The following CTNNA3 variants were observed in gnomAD, a reference collection of about 807,000 sequenced individuals.
CTNNA3 encodes the protein catenin alpha-3.
Under a neutral mutation model 95.7 loss-of-function variants are expected in CTNNA3, and 76 were observed. The ratio of observed to expected loss-of-function variants is 0.79; its 90% CI spans 0.66 to 0.96. The LOEUF (loss-of-function observed/expected upper bound fraction) is 0.96, where lower values mean the gene tolerates loss of function less well. CTNNA3 is among the 40% of genes least tolerant of loss of function. The pLI is 0.00. For missense variants in CTNNA3, 1,191 were observed against 1,089.8 expected, an observed-to-expected ratio of 1.09 and a Z score of -1.31; for synonymous variants, 431 against 374.4, an observed-to-expected ratio of 1.15 and a Z score of -1.74.
intron 13 of CTNNA3, among the ~76,000 whole-genome samples, chr10:66,276,954 T>C (rs2091411071): frequency 6.6e-6 from 1 of 152,102 alleles, no homozygotes; most frequent in African/African-American, 2.4e-5. Flanking sequence ...GCTTTAGTTT[T>C]AACCATTATA....
chr10:66,741,284 C>A (rs1027151452), intron 9 of CTNNA3, among the ~76,000 whole-genome samples: 1 of 152,076 alleles, frequency 6.6e-6, no homozygotes, highest in Admixed American at 6.5e-5. Flanking sequence ...ATGATACAAG[C>A]AAATTCCCAA....
chr10:65,926,043 TAATA>T (rs1397719395), intron 17 of CTNNA3, among the ~76,000 whole-genome samples: 1 of 149,698 alleles, frequency 6.7e-6, no homozygotes, highest in Non-Finnish European at 1.5e-5. Flanking sequence ...ATGTATTATA[TAATA>T]TATAATAGAT....
At chr10:66,624,577 TG>T (rs569689106) in intron 9 of CTNNA3, among the ~76,000 whole-genome samples, 113 of 152,176 alleles carry the variant, frequency 7.4e-4, no homozygotes, top group African/African-American at 2.6e-3. Flanking sequence ...AGTAGTAGGC[TG>T]GGGTTGTGGG....
At chr10:67,493,346 G>A (rs1838918204) in intron 5 of CTNNA3, among the ~76,000 whole-genome samples, 1 of 152,226 alleles carries the variant, frequency 6.6e-6, no homozygotes, top group South Asian at 2.1e-4. Context: ...TGGATCATGA[G>A]GTCAGGGAAT....
chr10:67,053,865 T>C lies in CTNNA3; in HGVS notation c.1047+126452A>G, dbSNP rs190939147. ...CACAGATGTAAATGAGCATGACTTG[T>C]ATATCTATGACTTGTGCTAGAAAGG... On this transcript the variant is annotated intron_variant, in intron 7 of 17. Coordinates refer to ENST00000433211, the MANE Select transcript of CTNNA3 (RefSeq NM_013266.4). Among the ~76,000 whole-genome samples the C allele has an allele frequency of 1.2e-3, 176 of 152,298 alleles. 1 individual carries two copies. Among genetic ancestry groups the C allele is most frequent in the African/African-American group, 4.0e-3 (168 of 41,570 alleles).
intron 13 of CTNNA3, among the ~76,000 whole-genome samples, chr10:66,110,368 A>C (rs942716866): frequency 6.6e-6 from 1 of 151,690 alleles, no homozygotes; most frequent in African/African-American, 2.4e-5. Context: ...TCTAAAAAAA[A>C]AAAAAAAAAA....
chr10:66,138,284 TTATC>T lies in CTNNA3; in HGVS notation c.1885-35039_1885-35036del, dbSNP rs574609395. On this transcript the variant is annotated intron_variant, in intron 13 of 17. Transcript: ENST00000433211. ...TGGATCAAGAATCTGGCAATTTACTTTATCTATATTATCTCAATGCCTCCAACCA... is the reference window on the plus strand; with the variant it reads ...TGGATCAAGAATCTGGCAATTTACTTTATATTATCTCAATGCCTCCAACCA... Among the ~76,000 whole-genome samples the T allele has an allele frequency of 2.4e-4, 36 of 152,272 alleles. No individual in the cohort carries two copies. In the East Asian group the frequency reaches 5.8e-3, roughly 25 times the overall value.
intron 1 of CTNNA3, among the ~76,000 whole-genome samples, chr10:67,651,495 G>A (rs1333407363): frequency 6.6e-6 from 1 of 152,128 alleles, no homozygotes; most frequent in Admixed American, 6.5e-5. Context: ...AATTTGTCCA[G>A]TATGAATTCT....
At chr10:67,762,400 T>G (rs1589591589) in intron 1 of CTNNA3, among the ~76,000 whole-genome samples, 1 of 126,206 alleles carries the variant, frequency 7.9e-6, no homozygotes, top group Non-Finnish European at 1.6e-5. Context: ...AAAAAAGCCC[T>G]CTCAAAGTAA....
At chr10:66,186,437 A>G (rs1397420183) in intron 13 of CTNNA3, among the ~76,000 whole-genome samples, 1 of 152,084 alleles carries the variant, frequency 6.6e-6, no homozygotes, top group Non-Finnish European at 1.5e-5. Context: ...GAAGATAAGT[A>G]TGCTTAAAAT....
At chr10:66,585,446 GT>G (rs1843328997) in intron 10 of CTNNA3, among the ~76,000 whole-genome samples, 1 of 151,412 alleles carries the variant, frequency 6.6e-6, no homozygotes, top group African/African-American at 2.4e-5. Context: ...TTGTTTTTGA[GT>G]TCTGAAATTC....
intron 11 of CTNNA3, among the ~76,000 whole-genome samples, chr10:66,414,394 T>C (rs909193011): frequency 6.6e-6 from 1 of 152,142 alleles, no homozygotes; most frequent in African/African-American, 2.4e-5. Flanking sequence ...CAGCCTGGAT[T>C]GACTGAGAGC....
chr10:67,543,743 A>G (rs536549829), intron 3 of CTNNA3, among the ~76,000 whole-genome samples: 4 of 152,316 alleles, frequency 2.6e-5, no homozygotes, highest in African/African-American at 7.2e-5. Flanking sequence ...CATTGATTCA[A>G]TATATAATAG....
At chr10:66,152,307 G>T (rs1374454736) in intron 13 of CTNNA3, among the ~76,000 whole-genome samples, 2 of 151,762 alleles carry the variant, frequency 1.3e-5, no homozygotes, top group Non-Finnish European at 1.5e-5. Flanking sequence ...AAAGATACAG[G>T]CACTGATAAT....
chr10:66,377,878 A>G (rs2092807159), intron 12 of CTNNA3, among the ~76,000 whole-genome samples: 1 of 152,164 alleles, frequency 6.6e-6, no homozygotes, highest in Admixed American at 6.5e-5. Context: ...TATGTGCCCT[A>G]TTGATACCGG....
intron 1 of CTNNA3, among the ~76,000 whole-genome samples, chr10:67,758,321 TATACACAC>T (rs1269723033): frequency 1.3e-5 from 1 of 78,094 alleles, no homozygotes. Context: ...TATAAATATA[TATACACAC>T]ACACACACAC....
intron 5 of CTNNA3, among the ~76,000 whole-genome samples, chr10:67,364,168 A>G (rs1843114808): frequency 6.6e-6 from 1 of 152,210 alleles, no homozygotes; most frequent in Non-Finnish European, 1.5e-5. Flanking sequence ...AGGCTGGTTC[A>G]ACATATGCAA....
intron 11 of CTNNA3, among the ~76,000 whole-genome samples, chr10:66,405,489 T>C (rs980366335): frequency 5.3e-5 from 8 of 152,168 alleles, no homozygotes; most frequent in African/African-American, 1.9e-4. Flanking sequence ...CTTTTTAAGA[T>C]TGGCTCAAAA....
chr10:66,998,508 A>T (rs1453514729), intron 7 of CTNNA3, among the ~76,000 whole-genome samples: 2 of 152,222 alleles, frequency 1.3e-5, no homozygotes, highest in East Asian at 3.8e-4. Flanking sequence ...CAAGACACAC[A>T]AATAAAATAC....
Sources: gnomAD v4.1 joint callset for allele counts (sites outside exome capture counted in the v4.1 genomes callset) on GRCh38, gnomAD v4.1.1 for gene constraint, MANE v1.5 for transcripts, NCBI Gene and HGNC (gene_info 2026-07-23, HGNC 2026-07-21) for gene names.